Variants in PCDHA10 observed in about 807,000 individuals in gnomAD.
PCDHA10 encodes protocadherin alpha-10.
A neutral mutation model predicts 61.2 loss-of-function variants in PCDHA10; 45 were observed. That is an observed-to-expected ratio of 0.74 (90% CI 0.58 to 0.94). The LOEUF (loss-of-function observed/expected upper bound fraction) is 0.94, where lower values mean the gene tolerates loss of function less well. Ranked by LOEUF, PCDHA10 falls within the 40% of genes least tolerant of loss-of-function variation. PCDHA10 has a pLI of 0.00. For missense variants in PCDHA10, 1,278 were observed against 1,236.2 expected (o/e 1.03, Z -0.51); for synonymous variants, 602 against 548.8 (o/e 1.10, Z -1.35).
intron 1 of PCDHA10, chr5:140,966,542 G>A (rs926112867): frequency 3.7e-5 from 17 of 464,420 alleles, no homozygotes; most frequent in African/African-American, 1.8e-4. Flanking sequence ...GAGCGACTCG[G>A]AGGCGAGCGG....
chr5:140,911,907 C>T (rs926309943), intron 1 of PCDHA10, among the ~76,000 whole-genome samples: 2 of 152,110 alleles, frequency 1.3e-5, no homozygotes, highest in Admixed American at 6.6e-5. Flanking sequence ...AGTCAGAGCT[C>T]TCTAGAGGAC....
At chr5:140,947,642 C>T (rs62384502) in intron 1 of PCDHA10, among the ~76,000 whole-genome samples, 2 of 151,520 alleles carry the variant, frequency 1.3e-5, no homozygotes, top group East Asian at 1.9e-4. Context: ...ATCGTATGAA[C>T]ATATATACCT....
intron 1 of PCDHA10, chr5:140,882,249 T>C (rs1412428548): frequency 6.3e-7 from 1 of 1,595,264 alleles, no homozygotes; most frequent in Non-Finnish European, 8.5e-7. Flanking sequence ...CAGATAGCTC[T>C]GAGGTTTTTG....
At chr5:140,882,887 G>A (rs781927732) in intron 1 of PCDHA10, 43 of 1,614,050 alleles carry the variant, frequency 2.7e-5, no homozygotes, top group Non-Finnish European at 3.6e-5. Context: ...GGAAATTCAG[G>A]AACATAGTTT....
In PCDHA10 at chr5:140,869,539, A is replaced by G. The variant is rs782023058; in HGVS notation, c.2388+11103A>G. The G allele has an allele frequency of 2.5e-6, 4 of 1,614,088 alleles. No homozygotes were observed. The South Asian group carries it at 3.3e-5, about 13-fold the overall frequency. On this transcript the variant is annotated intron_variant, in intron 1 of 3. Coordinates refer to ENST00000307360, the MANE Select transcript of PCDHA10 (RefSeq NM_018901.4). ...ACAAAAGCTGCTGATTGCGGAATCT[A>G]AGCAATCGGACTCGCGTTTTCCACT...
intron 1 of PCDHA10, among the ~76,000 whole-genome samples, chr5:140,907,407 C>G (rs1438882988): frequency 3.3e-5 from 5 of 152,168 alleles, no homozygotes; most frequent in African/African-American, 1.2e-4. Flanking sequence ...GTGTGGAATA[C>G]CACGATGGTG....
At chr5:140,921,781 G>C (rs1393443819) in intron 1 of PCDHA10, among the ~76,000 whole-genome samples, 1 of 151,986 alleles carries the variant, frequency 6.6e-6, no homozygotes, top group Non-Finnish European at 1.5e-5. Context: ...TACTGACTTG[G>C]ATGTTCTAGA....
chr5:140,857,245 C>T lies in PCDHA10; in HGVS notation c.1197C>T (p.Thr399=), dbSNP rs1411907706. 5 of 1,598,612 alleles carry T rather than the reference C, an allele frequency of 3.1e-6. No homozygotes were observed. Among genetic ancestry groups the T allele is most frequent in the Non-Finnish European group, 4.3e-6 (5 of 1,167,982 alleles). ...TPHVPFKLVS[T]YKNYYSLVLD... ...ACGTTCCGTTCAAGCTGGTGTCCAC[C>T]TACAAGAATTACTACTCATTGGTGC... The change falls in exon 1 of 4, where the codon ACC becomes ACT. Residue 399 remains threonine, a synonymous_variant. Coordinates refer to ENST00000307360, the MANE Select transcript of PCDHA10 (RefSeq NM_018901.4).
intron 1 of PCDHA10, among the ~76,000 whole-genome samples, chr5:140,973,558 T>C (rs1427190876): frequency 6.6e-6 from 1 of 152,238 alleles, no homozygotes; most frequent in Admixed American, 6.5e-5. Flanking sequence ...AATTACCTCT[T>C]TCCTCAATTT....
chr5:140,890,966 T>C (rs2062882231), intron 1 of PCDHA10, among the ~76,000 whole-genome samples: 1 of 152,206 alleles, frequency 6.6e-6, no homozygotes, highest in African/African-American at 2.4e-5. Flanking sequence ...TCAGGTTTTG[T>C]TTTTCTGAAA....
At chr5:140,900,177 A>G (rs1213706705) in intron 1 of PCDHA10, among the ~76,000 whole-genome samples, 1 of 152,194 alleles carries the variant, frequency 6.6e-6, no homozygotes, top group South Asian at 2.1e-4. Context: ...TGCCTGGTTT[A>G]TGTCACTTAT....
chr5:140,941,874 A>C (rs1554214738), intron 1 of PCDHA10, among the ~76,000 whole-genome samples: 1 of 152,222 alleles, frequency 6.6e-6, no homozygotes, highest in African/African-American at 2.4e-5. Context: ...GAGTTCTATC[A>C]CCAGTGACTA....
chr5:140,877,465 G>A, intron 1 of PCDHA10: 1 of 1,613,856 alleles, frequency 6.2e-7, no homozygotes, highest in Non-Finnish European at 8.5e-7. Context: ...CACGGCCACG[G>A]TGCTGGTGTC....
At chr5:140,976,338 G>A (rs1554237535) in intron 1 of PCDHA10, among the ~76,000 whole-genome samples, 1 of 152,018 alleles carries the variant, frequency 6.6e-6, no homozygotes, top group Non-Finnish European at 1.5e-5. Flanking sequence ...ATTGCCTGAG[G>A]TCAGGTGTTC....
At chr5:140,894,403 T>C (rs1442623931) in intron 1 of PCDHA10, among the ~76,000 whole-genome samples, 3 of 152,046 alleles carry the variant, frequency 2.0e-5, no homozygotes, top group Non-Finnish European at 4.4e-5. Context: ...TTCTTTGCTT[T>C]TCTTTTGTAG....
intron 3 of PCDHA10, among the ~76,000 whole-genome samples, chr5:140,993,452 T>C (rs1218728585): frequency 1.5e-5 from 2 of 135,256 alleles, no homozygotes; most frequent in Non-Finnish European, 3.1e-5. Flanking sequence ...CTGTTCTCCT[T>C]CTTTCTTTCT....
intron 1 of PCDHA10, among the ~76,000 whole-genome samples, chr5:140,921,801 A>T (rs1450383901): frequency 6.6e-6 from 1 of 152,286 alleles, no homozygotes. Context: ...ATAACACAAG[A>T]TAAGATACAT....
intron 1 of PCDHA10, among the ~76,000 whole-genome samples, chr5:140,921,890 G>A (rs1167996919): frequency 1.3e-5 from 2 of 151,710 alleles, no homozygotes; most frequent in African/African-American, 2.4e-5. Flanking sequence ...ATTTTAGAAA[G>A]GAGGATAAAT....
chr5:140,886,422 T>G (rs930235903), intron 1 of PCDHA10, among the ~76,000 whole-genome samples: 1 of 152,240 alleles, frequency 6.6e-6, no homozygotes, highest in Non-Finnish European at 1.5e-5. Flanking sequence ...TCCTATATTA[T>G]TTCTATTCAT....
Sources: gnomAD v4.1 joint callset for allele counts (sites outside exome capture counted in the v4.1 genomes callset) on GRCh38, gnomAD v4.1.1 for gene constraint, MANE v1.5 for transcripts, NCBI Gene and HGNC (gene_info 2026-07-23, HGNC 2026-07-21) for gene names.